SYCP2L: variants seen among roughly 807,000 people sequenced by gnomAD.
The protein encoded by SYCP2L is synaptonemal complex protein 2 like, also known as synaptonemal complex protein 2-like.
A neutral mutation model predicts 125.8 loss-of-function variants in SYCP2L; 98 were observed. The ratio of observed to expected loss-of-function variants is 0.78; its 90% CI spans 0.66 to 0.92. The LOEUF (loss-of-function observed/expected upper bound fraction) is 0.92. Among genes scored for constraint, SYCP2L ranks in the 40% least tolerant of loss-of-function variants. The pLI is 0.00. For missense variants in SYCP2L, 842 were observed against 936.4 expected (o/e 0.90, Z 1.32); for synonymous variants, 317 against 325.4 (o/e 0.97, Z 0.28).
chr6:10,888,087 T>A (rs1462580846), intron 1 of SYCP2L, among the ~76,000 whole-genome samples: 921 of 61,726 alleles, frequency 0.015, 109 homozygotes, highest in African/African-American at 0.032. Flanking sequence ...TTTTTTTTTT[T>A]TTTTTTTTTT....
In SYCP2L at chr6:10,935,043, GA is replaced by G. The variant is rs759653301; in HGVS notation, c.1684-14del. The G allele has an allele frequency of 2.5e-6, 4 of 1,569,638 alleles. No homozygotes were observed. The highest frequency in any genetic ancestry group is 3.4e-6 in the Non-Finnish European group (4 of 1,162,860). Reference sequence around the variant, plus strand: ...ATTATGAATGTTAACACTTAAAAAAGATACTATATTTTAGGCTAAGCTTCTA... The same window carrying G: ...ATTATGAATGTTAACACTTAAAAAAGTACTATATTTTAGGCTAAGCTTCTA... On this transcript the variant is annotated splice_polypyrimidine_tract_variant and intron_variant, in intron 20 of 29. Transcript: ENST00000283141.
chr6:10,927,560 A>G (rs1459593724), intron 17 of SYCP2L, among the ~76,000 whole-genome samples, 193 bp downstream of exon 17: 1 of 144,390 alleles, frequency 6.9e-6, no homozygotes, highest in Non-Finnish European at 1.5e-5. Context: ...GTGTACGAAT[A>G]GGGTGTGGGT....
chr6:10,894,156 C>A lies in SYCP2L; in HGVS notation c.288C>A (p.Gly96=), dbSNP rs368282839. The A allele has an allele frequency of 1.2e-5, 19 of 1,613,288 alleles. No individual in the cohort carries two copies. The highest frequency in any genetic ancestry group is 1.5e-5 in the Non-Finnish European group (18 of 1,179,848). ...LKCIQRFLVD[G]LKEDEPLLIR... is the part of the protein sequence containing the mutation. ...GTATTCAGCGATTCCTCGTAGATGG[C>A]CTGAAAGAAGATGAACCTCTGCTAA... The change falls in exon 4 of 30, where the codon GGC becomes GGA. Residue 96 remains glycine, a synonymous_variant. Transcript: ENST00000283141.
intron 8 of SYCP2L, among the ~76,000 whole-genome samples, chr6:10,903,483 G>A (rs1030405061): frequency 6.6e-5 from 10 of 152,206 alleles, no homozygotes; most frequent in African/African-American, 2.4e-4. Flanking sequence ...GGGAGGTGGA[G>A]CTTGCAGTGA....
rs576485263 is a variant in SYCP2L, at chr6:10,903,315, A to G, written c.641+352A>G. Among the ~76,000 whole-genome samples the G allele has an allele frequency of 4.6e-3, 702 of 152,198 alleles. 7 individuals carry two copies. Among genetic ancestry groups the G allele is most frequent in the African/African-American group, 0.016 (661 of 41,542 alleles). ...TGTAATCCCAGCGCTTTGGGAGGCCAAGGCGGGTGGATCACGAGGTCAGGA... is the reference window on the plus strand; with the variant it reads ...TGTAATCCCAGCGCTTTGGGAGGCCGAGGCGGGTGGATCACGAGGTCAGGA... On this transcript the variant is annotated intron_variant, in intron 8 of 29. Coordinates refer to ENST00000283141, the MANE Select transcript of SYCP2L (RefSeq NM_001040274.3).
At chr6:10,923,784 C>T (rs1226052356) in intron 14 of SYCP2L, among the ~76,000 whole-genome samples, 6 of 150,138 alleles carry the variant, frequency 4.0e-5, no homozygotes, top group South Asian at 2.1e-4. Flanking sequence ...CCTGGGTTCA[C>T]GCCATTCTCC....
At position 10,947,267 on chromosome 6, in the gene SYCP2L, C is replaced by T. The variant is rs796312446; in HGVS notation, c.1954+4521C>T. Among the ~76,000 whole-genome samples, 35 of 151,886 alleles carry T rather than the reference C, an allele frequency of 2.3e-4. 1 individual carries two copies. The highest frequency in any genetic ancestry group is 7.7e-4 in the African/African-American group (32 of 41,460). On this transcript the variant is annotated intron_variant, in intron 23 of 29. Transcript: ENST00000283141. ...TTTTTCAAAGTTGACTTTAGTTGTTCAAGGGACTTCTTATTTTTTCATATA... is the reference window on the plus strand; with the variant it reads ...TTTTTCAAAGTTGACTTTAGTTGTTTAAGGGACTTCTTATTTTTTCATATA...
intron 25 of SYCP2L, 124 bp downstream of exon 25, chr6:10,956,366 C>A: frequency 1.4e-6 from 1 of 733,214 alleles, no homozygotes; most frequent in Non-Finnish European, 2.2e-6. Context: ...AAGTTGAACT[C>A]AGAAACAGGG....
intron 29 of SYCP2L, among the ~76,000 whole-genome samples, chr6:10,970,667 C>T (rs1002214188): frequency 2.6e-5 from 4 of 151,914 alleles, no homozygotes; most frequent in Non-Finnish European, 4.4e-5. Context: ...GTTGATTGGC[C>T]GGGGAAGGAT....
intron 8 of SYCP2L, 137 bp from the exon 9 acceptor site, chr6:10,905,883 C>T: frequency 1.7e-6 from 1 of 585,062 alleles, no homozygotes; most frequent in Non-Finnish European, 3.0e-6. Flanking sequence ...TATGTGTTGG[C>T]ATTAAGGAAA....
At chr6:10,898,896 G>T (rs754031644) in intron 6 of SYCP2L, 48 bp downstream of exon 6, 8 of 1,134,400 alleles carry the variant, frequency 7.1e-6, no homozygotes, top group Non-Finnish European at 9.2e-6. Flanking sequence ...TTCATTAATA[G>T]AATATTCTGG....
At chr6:10,970,519 A>T (rs943649972) in intron 29 of SYCP2L, among the ~76,000 whole-genome samples, 1 of 152,102 alleles carries the variant, frequency 6.6e-6, no homozygotes, top group Non-Finnish European at 1.5e-5. Context: ...GTAGAGAAGG[A>T]TCTGGAAGGA....
At chr6:10,927,214 A>G in intron 16 of SYCP2L, 26 bp from the exon 17 acceptor site, 1 of 1,613,408 alleles carries the variant, frequency 6.2e-7, no homozygotes, top group Non-Finnish European at 8.5e-7. Context: ...CGGTTATTAT[A>G]TTAGTCTTTT....
chr6:10,895,780 G>A (rs1780248590), intron 4 of SYCP2L, among the ~76,000 whole-genome samples: 1 of 151,660 alleles, frequency 6.6e-6, no homozygotes, highest in Non-Finnish European at 1.5e-5. Context: ...GAGCTCCCGC[G>A]CCTGGCCAAC....
chr6:10,954,649 A>C lies in SYCP2L; in HGVS notation c.1955-467A>C, dbSNP rs182712437. Among the ~76,000 whole-genome samples, 163 of 152,280 alleles carry C rather than the reference A, an allele frequency of 1.1e-3. No homozygotes were observed. Among genetic ancestry groups the C allele is most frequent in the South Asian group, 1.9e-3 (9 of 4,822 alleles). On this transcript the variant is annotated intron_variant, in intron 23 of 29. Transcript: ENST00000283141. The surrounding 1 kb of genome is among the most constrained non-coding windows in gnomAD (Gnocchi z 4.8). The stretch of plus-strand genomic sequence containing the variant: ...TCTCAAAATCACTTGAGCTGTGAGG[A>C]GGCAAGATGGCCTCGTTTATGACGT...
intron 23 of SYCP2L, among the ~76,000 whole-genome samples, chr6:10,949,252 A>G (rs2113392263): frequency 6.6e-6 from 1 of 152,052 alleles, no homozygotes; most frequent in South Asian, 2.1e-4. Context: ...TGTTTTCTTG[A>G]TAAATGCATT....
At chr6:10,934,229 T>A (rs1414318389) in intron 20 of SYCP2L, among the ~76,000 whole-genome samples, 1 of 152,254 alleles carries the variant, frequency 6.6e-6, no homozygotes, top group Non-Finnish European at 1.5e-5. Flanking sequence ...CAAATGTCTT[T>A]AAGGTAATTT....
chr6:10,898,911 GAGAAA>G, intron 6 of SYCP2L, 63 bp downstream of exon 6: 2 of 1,050,150 alleles, frequency 1.9e-6, no homozygotes, highest in East Asian at 2.4e-5. Flanking sequence ...TTCTGGCACA[GAGAAA>G]AGAAAAATGA....
At chr6:10,932,399 T>A (rs559284197) in intron 20 of SYCP2L, among the ~76,000 whole-genome samples, 2 of 152,322 alleles carry the variant, frequency 1.3e-5, no homozygotes, top group African/African-American at 4.8e-5. Context: ...GAGCTATGTA[T>A]ACAGTACAGA....
Sources: gnomAD v4.1 joint callset for allele counts (sites outside exome capture counted in the v4.1 genomes callset) on GRCh38, gnomAD v4.1.1 for gene constraint, Gnocchi (gnomAD v3.1) non-coding constraint, MANE v1.5 for transcripts, NCBI Gene and HGNC (gene_info 2026-07-23, HGNC 2026-07-21) for gene names.